Variants in CLSTN2 observed in about 807,000 individuals in gnomAD.
The protein encoded by CLSTN2 is calsyntenin-2.
A neutral mutation model predicts 101.2 loss-of-function variants in CLSTN2; 48 were observed. That is an observed-to-expected ratio of 0.47 (90% confidence interval 0.38 to 0.60). CLSTN2 has a LOEUF of 0.60. Ranked by LOEUF, CLSTN2 falls within the 20% of genes least tolerant of loss-of-function variation. The probability of loss-of-function intolerance (pLI) is 0.00; values close to 1 mark genes in which losing one functional copy is unlikely to be tolerated. For missense variants in CLSTN2, 1,160 were observed against 1,238.2 expected, an observed-to-expected ratio of 0.94 and a Z score of 0.95; for synonymous variants, 481 against 463.6, an observed-to-expected ratio of 1.04 and a Z score of -0.48.
intron 1 of CLSTN2, among the ~76,000 whole-genome samples, chr3:139,960,075 G>A (rs1935480586): frequency 6.6e-6 from 1 of 152,108 alleles, no homozygotes; most frequent in Non-Finnish European, 1.5e-5. Flanking sequence ...TTTATTCGTG[G>A]TGTGTGTAAA....
intron 1 of CLSTN2, among the ~76,000 whole-genome samples, chr3:140,053,992 A>T (rs974280299): frequency 6.6e-6 from 1 of 152,308 alleles, no homozygotes; most frequent in Middle Eastern, 3.4e-3. Flanking sequence ...CAAGAGGGTC[A>T]TCACAGCTGG....
intron 1 of CLSTN2, among the ~76,000 whole-genome samples, chr3:140,122,309 G>A (rs2009355790): frequency 6.6e-6 from 1 of 152,166 alleles, no homozygotes; most frequent in Non-Finnish European, 1.5e-5. Flanking sequence ...TGGTATTTAT[G>A]AGGAGGCAAG....
At chr3:140,193,689 T>A (rs9856654) in intron 2 of CLSTN2, among the ~76,000 whole-genome samples, 31,751 of 152,006 alleles carry the variant, frequency 0.21, 3,564 homozygotes, top group Non-Finnish European at 0.24. Context: ...TTTTGCCAAA[T>A]ATGGAAAGTT....
chr3:140,442,318 A>G (rs1009927977), intron 5 of CLSTN2, among the ~76,000 whole-genome samples: 6 of 152,168 alleles, frequency 3.9e-5, no homozygotes, highest in Non-Finnish European at 5.9e-5. Context: ...GTCAGGTACC[A>G]GACAACTACG....
At chr3:140,461,796 T>G (rs961477509) in intron 7 of CLSTN2, among the ~76,000 whole-genome samples, 4 of 151,958 alleles carry the variant, frequency 2.6e-5, no homozygotes, top group African/African-American at 9.7e-5. Flanking sequence ...ACCCCCAAAT[T>G]AGCAGCACCC....
At chr3:140,384,013 C>T (rs1362335235) in intron 2 of CLSTN2, among the ~76,000 whole-genome samples, 1 of 152,218 alleles carries the variant, frequency 6.6e-6, no homozygotes, top group Non-Finnish European at 1.5e-5. Context: ...GCTCCTGACA[C>T]CCAGGGCCTA....
chr3:140,315,947 G>C (rs1370767318), intron 2 of CLSTN2, among the ~76,000 whole-genome samples: 1 of 152,210 alleles, frequency 6.6e-6, no homozygotes, highest in East Asian at 1.9e-4. Context: ...TGATCAGAGA[G>C]AGGGGAGCTT....
chr3:140,015,204 G>A (rs2007177008), intron 1 of CLSTN2, among the ~76,000 whole-genome samples: 1 of 152,150 alleles, frequency 6.6e-6, no homozygotes, highest in African/African-American at 2.4e-5. Context: ...ACTTTGCCCT[G>A]GAGTAAGTCA....
chr3:139,970,047 T>C (rs190179139), intron 1 of CLSTN2, among the ~76,000 whole-genome samples: 70 of 152,296 alleles, frequency 4.6e-4, no homozygotes, highest in African/African-American at 1.5e-3. Flanking sequence ...AATTTGTCAT[T>C]AGGCTATTTC....
intron 2 of CLSTN2, among the ~76,000 whole-genome samples, chr3:140,348,685 C>G (rs2087575141): frequency 6.6e-6 from 1 of 152,150 alleles, no homozygotes; most frequent in Non-Finnish European, 1.5e-5. Flanking sequence ...TACAAGAAGA[C>G]CTTCATATTA....
chr3:140,108,074 C>G (rs772648436), intron 1 of CLSTN2, among the ~76,000 whole-genome samples: 1 of 152,102 alleles, frequency 6.6e-6, no homozygotes, highest in Non-Finnish European at 1.5e-5. Flanking sequence ...CTAGGAATGA[C>G]GTGTTCCTCT....
rs571134683 is a variant in CLSTN2 at position 140,280,058 on chromosome 3, C to T, written c.232+103985C>T. The stretch of plus-strand genomic sequence containing the variant: ...CAACTCTTTGCTTACAGCCCTGGTG[C>T]GGGGCCTGGGCCAGACAAGAGAAGC... On this transcript the variant is annotated intron_variant, in intron 2 of 16. Coordinates refer to ENST00000458420, the MANE Select transcript of CLSTN2 (RefSeq NM_022131.3). Among the ~76,000 whole-genome samples the T allele has an allele frequency of 8.7e-4, 133 of 152,292 alleles. 1 individual carries two copies. Among genetic ancestry groups the T allele is most frequent in the African/African-American group, 2.9e-3 (121 of 41,568 alleles).
chr3:140,307,528 A>C (rs531290620), intron 2 of CLSTN2, among the ~76,000 whole-genome samples: 2 of 152,358 alleles, frequency 1.3e-5, no homozygotes, highest in Admixed American at 1.3e-4. Flanking sequence ...TTCAGCATAA[A>C]GTATGTGGCA....
chr3:140,480,579 C>G (rs1934092733), intron 8 of CLSTN2, among the ~76,000 whole-genome samples: 1 of 152,158 alleles, frequency 6.6e-6, no homozygotes, highest in Non-Finnish European at 1.5e-5. Flanking sequence ...AAAAGTGTCC[C>G]TATTTCTCCA....
chr3:140,214,187 C>A (rs1224119251), intron 2 of CLSTN2, among the ~76,000 whole-genome samples: 2 of 152,044 alleles, frequency 1.3e-5, no homozygotes, highest in Non-Finnish European at 2.9e-5. Context: ...CGCCTGTAAT[C>A]CCAGCACTTT....
At chr3:139,989,604 T>C (rs560240864) in intron 1 of CLSTN2, among the ~76,000 whole-genome samples, 6 of 152,220 alleles carry the variant, frequency 3.9e-5, no homozygotes, top group Admixed American at 3.9e-4. Context: ...TCCTGGAACC[T>C]CCCCATGCCT....
At chr3:140,103,473 C>T (rs2107791156) in intron 1 of CLSTN2, among the ~76,000 whole-genome samples, 1 of 152,344 alleles carries the variant, frequency 6.6e-6, no homozygotes, top group Admixed American at 6.5e-5. Context: ...ATTCCATCAT[C>T]ATAGGCTTTT....
chr3:140,093,634 G>A (rs573220771), intron 1 of CLSTN2, among the ~76,000 whole-genome samples: 6 of 152,214 alleles, frequency 3.9e-5, no homozygotes, highest in South Asian at 4.1e-4. Flanking sequence ...CATAGATCTC[G>A]TAATTTTAAG....
chr3:140,358,269 A>T (rs1238105590), intron 2 of CLSTN2, among the ~76,000 whole-genome samples: 1 of 152,046 alleles, frequency 6.6e-6, no homozygotes. Flanking sequence ...GAAGCATTTA[A>T]AGCTCCCAGA....
Sources: allele counts gnomAD v4.1 joint callset (sites outside exome capture counted in the v4.1 genomes callset), GRCh38; gene constraint gnomAD v4.1.1; transcripts MANE v1.5; gene names NCBI Gene and HGNC (gene_info 2026-07-23, HGNC 2026-07-21).